EPHA6: variants seen among roughly 807,000 people sequenced by gnomAD.
EPHA6 encodes the protein ephrin type-A receptor 6.
A neutral mutation model predicts 112.0 loss-of-function variants in EPHA6; 50 were observed. The ratio of observed to expected loss-of-function variants is 0.45; its 90% confidence interval spans 0.36 to 0.56. EPHA6 has a LOEUF of 0.56. Ranked by LOEUF, EPHA6 falls within the 20% of genes least tolerant of loss-of-function variation. The probability of loss-of-function intolerance (pLI) is 0.00; values close to 1 mark genes in which losing one functional copy is unlikely to be tolerated. For missense variants in EPHA6, 1,280 were observed against 1,417.4 expected (o/e 0.90, Z 1.56); for synonymous variants, 529 against 490.7 (o/e 1.08, Z -1.03).
intron 2 of EPHA6, among the ~76,000 whole-genome samples, chr3:96,968,834 T>C (rs1233025686): frequency 2.0e-5 from 3 of 151,918 alleles, no homozygotes; most frequent in African/African-American, 7.2e-5. Flanking sequence ...TTTCTTTCTT[T>C]TCCTTAAGAA....
At chr3:96,935,075 G>C (rs2040510919) in intron 2 of EPHA6, among the ~76,000 whole-genome samples, 1 of 151,700 alleles carries the variant, frequency 6.6e-6, no homozygotes, top group African/African-American at 2.4e-5. Flanking sequence ...GTAACACTAA[G>C]AGCATTTAGA....
chr3:97,256,525 G>A (rs995713411), intron 5 of EPHA6, among the ~76,000 whole-genome samples: 5 of 152,006 alleles, frequency 3.3e-5, no homozygotes, highest in African/African-American at 7.2e-5. Flanking sequence ...CAAACACTTA[G>A]ATTGTACACT....
intron 13 of EPHA6, among the ~76,000 whole-genome samples, chr3:97,615,899 C>T (rs1267904631): frequency 1.1e-4 from 16 of 152,170 alleles, no homozygotes; most frequent in South Asian, 6.2e-4. Flanking sequence ...TTACAGCTTC[C>T]GGGCTTTGGA....
intron 2 of EPHA6, among the ~76,000 whole-genome samples, chr3:96,951,670 A>T (rs913254813): frequency 7.9e-5 from 12 of 152,196 alleles, no homozygotes; most frequent in African/African-American, 2.7e-4. Context: ...TGAAAATCAG[A>T]TAAATTTAAG....
chr3:97,592,184 A>G (rs1040134344), intron 11 of EPHA6, among the ~76,000 whole-genome samples: 4 of 152,252 alleles, frequency 2.6e-5, no homozygotes, highest in African/African-American at 9.6e-5. Context: ...ACTAATAGAG[A>G]TAGACCTAAA....
At chr3:97,242,808 AT>A (rs560445234) in intron 4 of EPHA6, among the ~76,000 whole-genome samples, 58 of 149,966 alleles carry the variant, frequency 3.9e-4, no homozygotes, top group African/African-American at 2.2e-4. Context: ...ATTGGTTTAG[AT>A]TTTTTTTTTA....
chr3:97,683,068 G>A (rs141000301), intron 14 of EPHA6, among the ~76,000 whole-genome samples: 284 of 152,206 alleles, frequency 1.9e-3, no homozygotes, highest in African/African-American at 6.7e-3. Flanking sequence ...TTTATTGTAT[G>A]TACCTGCATT....
chr3:97,234,281 T>C (rs2078617830), intron 4 of EPHA6, among the ~76,000 whole-genome samples: 1 of 152,094 alleles, frequency 6.6e-6, no homozygotes, highest in East Asian at 1.9e-4. Flanking sequence ...AACTCCTTCC[T>C]TAGAACCTAT....
At chr3:97,291,955 C>A (rs986026762) in intron 5 of EPHA6, among the ~76,000 whole-genome samples, 1 of 152,196 alleles carries the variant, frequency 6.6e-6, no homozygotes, top group Non-Finnish European at 1.5e-5. Flanking sequence ...CAGCGTGGAT[C>A]CCATACCTGC....
intron 5 of EPHA6, among the ~76,000 whole-genome samples, chr3:97,266,996 TATTG>T (rs1469577765): frequency 1.3e-5 from 2 of 152,154 alleles, no homozygotes; most frequent in Non-Finnish European, 1.5e-5. Context: ...GAGATGGAAC[TATTG>T]AGATCTGTAG....
At chr3:97,021,738 A>G (rs946844887) in intron 3 of EPHA6, among the ~76,000 whole-genome samples, 3 of 152,192 alleles carry the variant, frequency 2.0e-5, no homozygotes, top group African/African-American at 7.2e-5. Flanking sequence ...CCTGAGCCTT[A>G]TAACCCTATT....
chr3:97,157,516 GAGAGAC>G (rs923772087), intron 3 of EPHA6, among the ~76,000 whole-genome samples: 31 of 152,088 alleles, frequency 2.0e-4, no homozygotes, highest in African/African-American at 6.8e-4. Flanking sequence ...TGTCGAGAGA[GAGAGAC>G]AGAGACAGAG....
intron 1 of EPHA6, among the ~76,000 whole-genome samples, chr3:96,865,852 T>C (rs1251496033): frequency 1.3e-5 from 2 of 151,856 alleles, no homozygotes; most frequent in South Asian, 2.1e-4. Context: ...AAAATAAATA[T>C]CTGCTGAATC....
chr3:97,496,579 T>G (rs2091983249), intron 10 of EPHA6, among the ~76,000 whole-genome samples: 1 of 152,170 alleles, frequency 6.6e-6, no homozygotes, highest in Non-Finnish European at 1.5e-5. Flanking sequence ...CATACTTCTA[T>G]AAGAATATCT....
At chr3:97,333,742 G>A (rs1443563515) in intron 5 of EPHA6, among the ~76,000 whole-genome samples, 1 of 151,994 alleles carries the variant, frequency 6.6e-6, no homozygotes, top group Non-Finnish European at 1.5e-5. Context: ...GCCTCCCAAA[G>A]TGGTGGGATT....
rs58790255 is a variant in EPHA6, at chr3:97,272,297, C to CGTGT, written c.1606+28043_1606+28046dup. On this transcript the variant is annotated intron_variant, in intron 5 of 17. Coordinates refer to ENST00000389672, the MANE Select transcript of EPHA6 (RefSeq NM_001080448.3). ...TTAAAGGCTGAATAATATTCCATTT[C>CGTGT]GTGTGTGTGTGTGTGTGTGTGTGTG... Among the ~76,000 whole-genome samples, 203 of 150,348 alleles carry CGTGT rather than the reference C, an allele frequency of 1.4e-3. 3 individuals are homozygous for CGTGT. Among genetic ancestry groups the CGTGT allele is most frequent in the African/African-American group, 4.7e-3 (193 of 40,808 alleles).
At chr3:97,232,222 C>A (rs2078547814) in intron 4 of EPHA6, among the ~76,000 whole-genome samples, 1 of 152,110 alleles carries the variant, frequency 6.6e-6, no homozygotes, top group South Asian at 2.1e-4. Flanking sequence ...ACAATACATA[C>A]CTCATACTGT....
intron 10 of EPHA6, among the ~76,000 whole-genome samples, chr3:97,527,691 A>T (rs1479302190): frequency 3.3e-5 from 5 of 152,116 alleles, no homozygotes; most frequent in African/African-American, 1.2e-4. Context: ...TTGGGAAAAA[A>T]AGTGAACAAC....
intron 12 of EPHA6, among the ~76,000 whole-genome samples, chr3:97,602,568 C>G (rs554722270): frequency 3.9e-4 from 59 of 152,178 alleles, no homozygotes; most frequent in East Asian, 3.3e-3. Context: ...CTGCCAATTG[C>G]TCACTGTGTG....
Sources: gnomAD v4.1 joint callset for allele counts (sites outside exome capture counted in the v4.1 genomes callset) on GRCh38, gnomAD v4.1.1 for gene constraint, MANE v1.5 for transcripts, NCBI Gene and HGNC (gene_info 2026-07-23, HGNC 2026-07-21) for gene names.